Variants in NME7 observed in about 807,000 individuals in gnomAD.
The protein encoded by NME7 is nucleoside diphosphate kinase 7.
NME7 carries 41 observed loss-of-function variants against 49.1 expected under a neutral mutation model. The observed-to-expected ratio is 0.83, with a 90% CI of 0.65 to 1.08. NME7 has a LOEUF of 1.08. Among genes scored for constraint, NME7 ranks in the 50% least tolerant of loss-of-function variants. The probability of loss-of-function intolerance (pLI) is 0.00; values close to 1 mark genes in which losing one functional copy is unlikely to be tolerated. For missense variants in NME7, 423 were observed against 463.4 expected (o/e 0.91, Z 0.80); for synonymous variants, 139 against 150.6 (o/e 0.92, Z 0.56).
chr1:169,314,749 G>A (rs943024541), intron 3 of NME7, among the ~76,000 whole-genome samples: 21 of 148,818 alleles, frequency 1.4e-4, no homozygotes, highest in Non-Finnish European at 2.2e-4. Flanking sequence ...CACGTATCCC[G>A]GAACTTAAAG....
At chr1:169,325,426 T>C (rs1258468782) in intron 1 of NME7, among the ~76,000 whole-genome samples, 1 of 151,818 alleles carries the variant, frequency 6.6e-6, no homozygotes, top group Non-Finnish European at 1.5e-5. Context: ...AGGTTGCCTG[T>C]AGTTGGAGGT....
Position 169,323,210 on chromosome 1 carries a change from A to G in NME7, c.185T>C (p.Ile62Thr). Residue 62 changes from isoleucine to threonine, a missense_variant, in exon 3 of 12, where the codon ATA (isoleucine) becomes ACA (threonine). Transcript: ENST00000367811. Reference sequence around the variant, plus strand: ...AGAAAAGACATTCACTTTGTTGCCTATAAATAAATCTTCCAAGTGCAGGTT... The same window carrying G: ...AGAAAAGACATTCACTTTGTTGCCTGTAAATAAATCTTCCAAGTGCAGGTT... ...YDNLHLEDLF[I>T]GNKVNVFSRQ... is the part of the protein sequence containing the mutation. 6 of 1,609,108 alleles carry G rather than the reference A, an allele frequency of 3.7e-6. No homozygotes were observed. The highest frequency in any genetic ancestry group is 1.1e-5 in the South Asian group (1 of 89,824).
intron 7 of NME7, among the ~76,000 whole-genome samples, chr1:169,240,434 T>C (rs891397511): frequency 4.6e-5 from 7 of 152,056 alleles, no homozygotes; most frequent in Admixed American, 2.6e-4. Flanking sequence ...TATATTTAGT[T>C]GAAAAATAGT....
chr1:169,355,024 T>A lies in NME7; in HGVS notation c.3+12684A>T, dbSNP rs1242542220. 3.7e-3 allele frequency among the ~76,000 whole-genome samples: 207 copies of A among 55,536 alleles called. 28 individuals carry two copies. Among genetic ancestry groups the A allele is most frequent in the African/African-American group, 9.3e-3 (166 of 17,926 alleles). 36.4% of individuals were successfully genotyped at this position (55,536 alleles called of 152,430 possible). ...TATATATGTTTATATATAATATAAT[T>A]ATATATTATATATTATAGATATAAT... On this transcript the variant is annotated intron_variant, in intron 1 of 11. Transcript: ENST00000367811.
chr1:169,200,534 T>C (rs1660517502), intron 10 of NME7, among the ~76,000 whole-genome samples: 1 of 152,030 alleles, frequency 6.6e-6, no homozygotes, highest in Non-Finnish European at 1.5e-5. Context: ...GAGATTGCCT[T>C]TCATATGCAA....
intron 4 of NME7, among the ~76,000 whole-genome samples, chr1:169,308,164 G>T (rs552821965): frequency 6.6e-5 from 10 of 152,218 alleles, no homozygotes; most frequent in African/African-American, 2.4e-4. Flanking sequence ...TGTCTCTCTA[G>T]AAAATATGTA....
At chr1:169,237,709 TG>T (rs1647918818) in intron 7 of NME7, 22 bp from the exon 8 acceptor site, 1 of 1,580,128 alleles carries the variant, frequency 6.3e-7, no homozygotes, top group African/African-American at 1.4e-5. Flanking sequence ...GGACAATGAG[TG>T]AAAAAATACA....
chr1:169,276,877 G>C (rs1016911928), intron 7 of NME7, among the ~76,000 whole-genome samples: 25 of 147,726 alleles, frequency 1.7e-4, no homozygotes, highest in Non-Finnish European at 2.6e-4. Context: ...CAGAGATTCT[G>C]GTATGTTGTC....
At chr1:169,345,195 T>C (rs1252920843) in intron 1 of NME7, among the ~76,000 whole-genome samples, 1 of 150,696 alleles carries the variant, frequency 6.6e-6, no homozygotes, top group Non-Finnish European at 1.5e-5. Flanking sequence ...TCATTCCTGA[T>C]TTTGATAATT....
intron 10 of NME7, among the ~76,000 whole-genome samples, chr1:169,224,715 AT>A (rs2101810921): frequency 6.6e-6 from 1 of 152,260 alleles, no homozygotes; most frequent in African/African-American, 2.4e-5. Context: ...CTCTAGATGT[AT>A]TCTTCCATTC....
intron 7 of NME7, among the ~76,000 whole-genome samples, chr1:169,254,784 A>C (rs1648836751): frequency 7.2e-6 from 1 of 139,708 alleles, no homozygotes; most frequent in Non-Finnish European, 1.6e-5. Context: ...CGTTGGTTTC[A>C]AAGAACATCT....
rs1466437949 is a variant in NME7, at chr1:169,274,535, G to T, written c.754+12768C>A. The stretch of plus-strand genomic sequence containing the variant: ...CTTTTGGTGTTTTAGACATGAAGTC[G>T]TCGCCTATGCCTATGTCCTGAATGG... On this transcript the variant is annotated intron_variant, in intron 7 of 11. Transcript: ENST00000367811. Among the ~76,000 whole-genome samples, 4 of 133,514 alleles carry T rather than the reference G, an allele frequency of 3.0e-5. 2 individuals carry two copies. The highest frequency in any genetic ancestry group is 7.0e-5 in the Non-Finnish European group (4 of 56,854). The allele number at this position is 133,514 out of a possible 152,430, so 87.6% of individuals were successfully genotyped here. A position where few individuals can be genotyped will look rare whatever the true frequency, so the allele number is the denominator to read the frequency against.
At chr1:169,161,390 G>T (rs998991559) in intron 11 of NME7, among the ~76,000 whole-genome samples, 1 of 152,190 alleles carries the variant, frequency 6.6e-6, no homozygotes, top group African/African-American at 2.4e-5. Flanking sequence ...GTCAGTATGT[G>T]CAGAGGCCTG....
chr1:169,290,059 C>A (rs991847772), intron 6 of NME7, among the ~76,000 whole-genome samples: 2 of 151,800 alleles, frequency 1.3e-5, no homozygotes, highest in Non-Finnish European at 2.9e-5. Flanking sequence ...AGACTGAATT[C>A]GAAAGCTTTA....
At chr1:169,196,626 G>A (rs1439310892) in intron 10 of NME7, among the ~76,000 whole-genome samples, 1 of 152,160 alleles carries the variant, frequency 6.6e-6, no homozygotes, top group Non-Finnish European at 1.5e-5. Flanking sequence ...ATAAAGGCTT[G>A]AAATTTAGAG....
At chr1:169,224,459 C>T (rs575939986) in intron 10 of NME7, among the ~76,000 whole-genome samples, 1 of 152,190 alleles carries the variant, frequency 6.6e-6, no homozygotes, top group African/African-American at 2.4e-5. Context: ...ATGCTCTCTT[C>T]TTCTGAGATT....
chr1:169,218,990 C>T (rs1661060308), intron 10 of NME7, among the ~76,000 whole-genome samples: 1 of 152,138 alleles, frequency 6.6e-6, no homozygotes, highest in African/African-American at 2.4e-5. Flanking sequence ...CTTAGGGAAA[C>T]TTGAAGGCAG....
chr1:169,219,366 T>C (rs1661071802), intron 10 of NME7, among the ~76,000 whole-genome samples: 1 of 152,232 alleles, frequency 6.6e-6, no homozygotes, highest in Non-Finnish European at 1.5e-5. Context: ...AAGTGATGTG[T>C]AGGCATTGTA....
chr1:169,185,323 T>C (rs889335231), intron 10 of NME7, among the ~76,000 whole-genome samples: 6 of 152,292 alleles, frequency 3.9e-5, no homozygotes, highest in African/African-American at 1.4e-4. Flanking sequence ...ATTTATGCTT[T>C]AGAAAATATT....
Sources: gnomAD v4.1 joint callset for allele counts (sites outside exome capture counted in the v4.1 genomes callset) on GRCh38, gnomAD v4.1.1 for gene constraint, MANE v1.5 for transcripts, NCBI Gene and HGNC (gene_info 2026-07-23, HGNC 2026-07-21) for gene names.